The following ADAM10 variants were observed in gnomAD, a reference collection of about 807,000 sequenced individuals.
ADAM10 encodes ADAM metallopeptidase domain 10, also known as disintegrin and metalloproteinase domain-containing protein 10.
ADAM10 carries 17 observed loss-of-function variants against 90.1 expected under a neutral mutation model. The observed-to-expected ratio is 0.19, with a 90% CI of 0.13 to 0.28. ADAM10 has a LOEUF of 0.28. Among genes scored for constraint, ADAM10 ranks in the 10% least tolerant of loss-of-function variants. ADAM10 has a pLI of 1.00. For missense variants in ADAM10, 610 were observed against 914.3 expected (o/e 0.67, Z 4.29); for synonymous variants, 310 against 298.6 (o/e 1.04, Z -0.40).
In ADAM10 at chr15:58,597,587, C is replaced by T; in HGVS notation, c.2207G>A (p.Arg736Gln). Reference protein sequence around the residue: ...PQPIQQPQRQRPRESYQMGHM... With the variant: ...PQPIQQPQRQQPRESYQMGHM... ...TCCCATTTGATAACTCTCTCGGGGC[C>T]GCTGACGCTGGGGTTGCTGAATGGG... The change falls in exon 16 of 16, where the codon CGG becomes CAG. Residue 736 changes from arginine to glutamine, a missense_variant. By Grantham distance (43) the Arg-to-Gln change is conservative. Transcript: ENST00000260408. The T allele has an allele frequency of 5.0e-6, 8 of 1,614,022 alleles. No individual in the cohort carries two copies. The highest frequency in any genetic ancestry group is 6.8e-6 in the Non-Finnish European group (8 of 1,180,002).
At chr15:58,748,844 C>G (rs958812875) in intron 1 of ADAM10, 2 of 398,540 alleles carry the variant, frequency 5.0e-6, no homozygotes, top group East Asian at 7.1e-5. Flanking sequence ...ACCGAGGCCA[C>G]TAGTCTCAGA....
At chr15:58,730,777 G>A (rs903811139) in intron 1 of ADAM10, among the ~76,000 whole-genome samples, 21 of 152,246 alleles carry the variant, frequency 1.4e-4, no homozygotes, top group Non-Finnish European at 2.2e-4. Flanking sequence ...CACCTGCACT[G>A]TGGGCAGGCA....
At chr15:58,607,974 C>G (rs757668915) in intron 14 of ADAM10, among the ~76,000 whole-genome samples, 11 of 152,126 alleles carry the variant, frequency 7.2e-5, no homozygotes, top group Non-Finnish European at 1.3e-4. Context: ...GATGAATGCT[C>G]TTAAATGTTT....
At chr15:58,743,607 C>A (rs963586013) in intron 1 of ADAM10, among the ~76,000 whole-genome samples, 1 of 144,516 alleles carries the variant, frequency 6.9e-6, no homozygotes, top group Non-Finnish European at 1.5e-5. Flanking sequence ...AAACAAAATA[C>A]TTTTTTTTTT....
intron 10 of ADAM10, among the ~76,000 whole-genome samples, chr15:58,625,699 G>A (rs1331801734): frequency 6.6e-6 from 1 of 152,116 alleles, no homozygotes; most frequent in Non-Finnish European, 1.5e-5. Context: ...CAAAAAACCT[G>A]TACATGAATG....
At chr15:58,657,365 G>A (rs1266914010) in intron 5 of ADAM10, among the ~76,000 whole-genome samples, 3 of 152,022 alleles carry the variant, frequency 2.0e-5, no homozygotes, top group Non-Finnish European at 4.4e-5. Context: ...TATTATAGGT[G>A]TTCTTCATTC....
At chr15:58,747,558 A>G (rs574370542) in intron 1 of ADAM10, 1 of 152,354 alleles carries the variant, frequency 6.6e-6, no homozygotes, top group South Asian at 2.1e-4. Context: ...AGTAGATAAA[A>G]ATACCCCATA....
At chr15:58,725,965 T>C (rs1382318885) in intron 1 of ADAM10, among the ~76,000 whole-genome samples, 1 of 152,182 alleles carries the variant, frequency 6.6e-6, no homozygotes, top group Non-Finnish European at 1.5e-5. Context: ...GATGGAAACC[T>C]ACACTGATGC....
intron 2 of ADAM10, among the ~76,000 whole-genome samples, chr15:58,704,934 T>G (rs772951136): frequency 7.9e-5 from 12 of 152,188 alleles, no homozygotes; most frequent in Non-Finnish European, 1.8e-4. Flanking sequence ...ATGGAAAAAG[T>G]CAAGCTAACA....
chr15:58,682,239 T>A lies in ADAM10; in HGVS notation c.282A>T (p.Val94=), dbSNP rs201590398. The change falls in exon 3 of 16, where the codon GTA becomes GTT. Residue 94 remains valine, a synonymous_variant. Coordinates refer to ENST00000260408, the MANE Select transcript of ADAM10 (RefSeq NM_001110.4). ...DEFKVETSNK[V]LDYDTSHIYT... ...AAATATGAGAGGTATCATAATCAAG[T>A]ACTTTATTTGATGTTTCTACTTTAA... 3.2e-5 allele frequency: 51 copies of A among 1,613,024 alleles called. No individual in the cohort carries two copies. In the East Asian group the frequency reaches 3.8e-4, roughly 12 times the overall value.
intron 1 of ADAM10, chr15:58,749,137 G>C (rs1276736924): frequency 2.5e-6 from 1 of 398,334 alleles, no homozygotes; most frequent in Admixed American, 4.4e-5. Flanking sequence ...GCAGACTGGA[G>C]GGATGCAGCC....
intron 1 of ADAM10, among the ~76,000 whole-genome samples, chr15:58,738,892 A>G (rs1300972259): frequency 6.6e-6 from 1 of 152,212 alleles, no homozygotes; most frequent in Non-Finnish European, 1.5e-5. Flanking sequence ...AGACAGTAAT[A>G]GAGTATGACT....
chr15:58,674,914 G>A (rs1289797131), intron 4 of ADAM10, among the ~76,000 whole-genome samples: 1 of 152,262 alleles, frequency 6.6e-6, no homozygotes, highest in African/African-American at 2.4e-5. Context: ...TTCAGGCCGG[G>A]CACAGTGGCT....
intron 1 of ADAM10, chr15:58,748,094 G>C (rs1318905149): frequency 6.6e-6 from 1 of 152,136 alleles, no homozygotes; most frequent in Non-Finnish European, 1.5e-5. Flanking sequence ...TCTATTATCA[G>C]CTCTTAATCT....
chr15:58,593,966 T>C lies in ADAM10; in HGVS notation c.*3581A>G, dbSNP rs1421727595. 3 of 152,140 alleles carry C rather than the reference T, an allele frequency of 2.0e-5. No individual in the cohort carries two copies. Among genetic ancestry groups the C allele is most frequent in the African/African-American group, 7.2e-5 (3 of 41,434 alleles). 9.4% of individuals were successfully genotyped at this position (152,140 alleles called of 1,614,324 possible). A position where few individuals can be genotyped will look rare whatever the true frequency, so the allele number is the denominator to read the frequency against. The stretch of plus-strand genomic sequence containing the variant: ...TAAACTGGTAATAAACGGAAAAGTA[T>C]ATCAAATGGAAGTTGTTTTTAATCA... On this transcript the variant is annotated 3_prime_UTR_variant, in exon 16 of 16. Transcript: ENST00000260408.
intron 14 of ADAM10, chr15:58,609,973 C>CA (rs201883204): frequency 2.1e-3 from 608 of 287,626 alleles, no homozygotes; most frequent in African/African-American, 5.6e-3. Context: ...TGAAAAACAA[C>CA]AAAAAAAAAT....
At chr15:58,702,908 G>C (rs1290886090) in intron 2 of ADAM10, among the ~76,000 whole-genome samples, 1 of 152,116 alleles carries the variant, frequency 6.6e-6, no homozygotes, top group African/African-American at 2.4e-5. Flanking sequence ...CCATAAAATA[G>C]TAAAACCACA....
intron 9 of ADAM10, among the ~76,000 whole-genome samples, chr15:58,628,125 A>C (rs1895999546): frequency 1.3e-5 from 2 of 152,244 alleles, no homozygotes; most frequent in South Asian, 4.1e-4. Flanking sequence ...CTTTGTAAGC[A>C]GGGACTAGAA....
At chr15:58,725,155 A>C (rs1376260238) in intron 1 of ADAM10, among the ~76,000 whole-genome samples, 1 of 152,038 alleles carries the variant, frequency 6.6e-6, no homozygotes, top group East Asian at 1.9e-4. Flanking sequence ...GTGCCACCAC[A>C]CTCCAGCCTG....
Sources: allele counts gnomAD v4.1 joint callset (sites outside exome capture counted in the v4.1 genomes callset), GRCh38; gene constraint gnomAD v4.1.1; transcripts MANE v1.5; gene names NCBI Gene and HGNC (gene_info 2026-07-23, HGNC 2026-07-21).